The following RAB7A variants were observed in gnomAD, a reference collection of about 807,000 sequenced individuals.
RAB7A encodes the protein RAB7A, member RAS oncogene family.
A neutral mutation model predicts 24.5 loss-of-function variants in RAB7A; 2 were observed. The observed-to-expected ratio is 0.08, with a 90% CI of 0.03 to 0.26. The LOEUF (loss-of-function observed/expected upper bound fraction) is 0.26, where lower values mean the gene tolerates loss of function less well. Ranked by LOEUF, RAB7A falls within the 10% of genes least tolerant of loss-of-function variation. The pLI is 1.00. For synonymous variants in RAB7A, 100 were observed against 95.9 expected, an observed-to-expected ratio of 1.04 and a Z score of -0.25; for missense variants, 118 against 255.7, an observed-to-expected ratio of 0.46 and a Z score of 3.67.
intron 1 of RAB7A, among the ~76,000 whole-genome samples, chr3:128,726,748 C>G (rs1441701506): frequency 2.0e-5 from 3 of 152,132 alleles, no homozygotes; most frequent in Non-Finnish European, 2.9e-5. Flanking sequence ...CCGCCCGCCG[C>G]CGTGCCCACC....
chr3:128,785,823 T>A (rs1933326273), intron 1 of RAB7A, among the ~76,000 whole-genome samples: 1 of 152,162 alleles, frequency 6.6e-6, no homozygotes, highest in East Asian at 1.9e-4. Context: ...ATATTTTCAT[T>A]GTAATGAAAG....
At chr3:128,748,440 A>C (rs1414225997) in intron 1 of RAB7A, 1 of 152,280 alleles carries the variant, frequency 6.6e-6, no homozygotes, top group Non-Finnish European at 1.5e-5. Flanking sequence ...TTGAGTAGAC[A>C]GGGAAGGTGG....
At chr3:128,775,680 G>C (rs756922142) in intron 1 of RAB7A, among the ~76,000 whole-genome samples, 3 of 152,138 alleles carry the variant, frequency 2.0e-5, no homozygotes, top group Non-Finnish European at 4.4e-5. Flanking sequence ...GTTGGAAGTG[G>C]TCATAAGGAA....
chr3:128,757,629 C>A (rs1386573696), intron 1 of RAB7A, among the ~76,000 whole-genome samples: 1 of 151,208 alleles, frequency 6.6e-6, no homozygotes, highest in Non-Finnish European at 1.5e-5. Flanking sequence ...CAAGTGATTT[C>A]TCCTGCCTCA....
chr3:128,764,848 A>G, intron 1 of RAB7A: 2 of 1,122,778 alleles, frequency 1.8e-6, no homozygotes, highest in South Asian at 1.2e-5. Flanking sequence ...AGATTGGTGA[A>G]GAAAGTATGT....
At chr3:128,798,444 C>A in intron 3 of RAB7A, 1 of 241,578 alleles carries the variant, frequency 4.1e-6, no homozygotes, top group Non-Finnish European at 8.3e-6. Context: ...CTTTGTCTCA[C>A]CTCAGTAGTG....
chr3:128,780,236 A>G lies in RAB7A; in HGVS notation c.-8-15124A>G, dbSNP rs1933189644. On this transcript the variant is annotated intron_variant, in intron 1 of 5. Transcript: ENST00000265062. ...TGATGTTAGAAATCCTATCTCTAGGAACAGTGGGGATGCAAAAAGTCAGAC... is the reference window on the plus strand; with the variant it reads ...TGATGTTAGAAATCCTATCTCTAGGGACAGTGGGGATGCAAAAAGTCAGAC... 1.3e-5 allele frequency among the ~76,000 whole-genome samples: 2 copies of G among 152,368 alleles called. 1 individual carries two copies. The highest frequency in any genetic ancestry group is 4.1e-4 in the South Asian group (2 of 4,828).
chr3:128,802,158 T>TTGGAATCGTGAGTATG (rs1178169606), intron 3 of RAB7A, among the ~76,000 whole-genome samples: 1 of 152,266 alleles, frequency 6.6e-6, no homozygotes, highest in Non-Finnish European at 1.5e-5. Flanking sequence ...GTATCTATTT[T>TTGGAATCGTGAGTATG]TGGAATCGTG....
intron 5 of RAB7A, among the ~76,000 whole-genome samples, chr3:128,811,281 C>T (rs1230974777): frequency 1.3e-5 from 2 of 152,128 alleles, no homozygotes; most frequent in Non-Finnish European, 2.9e-5. Context: ...CACACCCATG[C>T]TATAATTGAT....
chr3:128,740,406 A>C (rs1158251330), intron 1 of RAB7A, among the ~76,000 whole-genome samples: 1 of 152,196 alleles, frequency 6.6e-6, no homozygotes, highest in Non-Finnish European at 1.5e-5. Flanking sequence ...TACTTATCTA[A>C]TCATTTCCTT....
At chr3:128,802,361 G>T (rs187153447) in intron 3 of RAB7A, among the ~76,000 whole-genome samples, 219 of 152,244 alleles carry the variant, frequency 1.4e-3, no homozygotes, top group Middle Eastern at 6.8e-3. Flanking sequence ...ACAGTTTATT[G>T]TGAGTTTGTG....
intron 1 of RAB7A, among the ~76,000 whole-genome samples, chr3:128,731,647 A>T (rs2070437859): frequency 1.3e-5 from 2 of 152,100 alleles, no homozygotes; most frequent in East Asian, 1.9e-4. Flanking sequence ...GCTCTTTCTG[A>T]TGTACCATCC....
At chr3:128,787,382 G>A (rs541418602) in intron 1 of RAB7A, among the ~76,000 whole-genome samples, 96 of 152,206 alleles carry the variant, frequency 6.3e-4, no homozygotes, top group Non-Finnish European at 1.2e-3. Flanking sequence ...TCACATCAGT[G>A]GTTTCCAAAC....
At chr3:128,757,457 A>C (rs1178349615) in intron 1 of RAB7A, among the ~76,000 whole-genome samples, 1 of 152,196 alleles carries the variant, frequency 6.6e-6, no homozygotes, top group South Asian at 2.1e-4. Flanking sequence ...CAGGCGAGGC[A>C]GAGGCACAAG....
At chr3:128,763,756 T>C (rs2107597398) in intron 1 of RAB7A, among the ~76,000 whole-genome samples, 1 of 152,214 alleles carries the variant, frequency 6.6e-6, no homozygotes, top group African/African-American at 2.4e-5. Flanking sequence ...ACCTATGGTA[T>C]CACTGGTGAT....
intron 1 of RAB7A, among the ~76,000 whole-genome samples, chr3:128,731,488 GC>G (rs534090304): frequency 0.012 from 1,806 of 152,236 alleles, 32 homozygotes; most frequent in African/African-American, 0.039. Flanking sequence ...GCCTTTAAAT[GC>G]TTTTTAATGT....
intron 1 of RAB7A, among the ~76,000 whole-genome samples, chr3:128,738,085 T>C (rs995690610): frequency 2.0e-5 from 3 of 151,958 alleles, no homozygotes; most frequent in African/African-American, 7.3e-5. Context: ...CAGGCTGGAG[T>C]ATAGTGGCCT....
intron 1 of RAB7A, among the ~76,000 whole-genome samples, chr3:128,743,947 C>G (rs1344493883): frequency 6.6e-6 from 1 of 151,990 alleles, no homozygotes; most frequent in Non-Finnish European, 1.5e-5. Flanking sequence ...CACCACCACA[C>G]CCAGCTAACT....
chr3:128,754,634 A>G (rs1200212615), intron 1 of RAB7A, among the ~76,000 whole-genome samples: 1 of 152,184 alleles, frequency 6.6e-6, no homozygotes, highest in Non-Finnish European at 1.5e-5. Flanking sequence ...ATGGATAGAA[A>G]AACATCCAGC....
Sources: gnomAD v4.1 joint callset for allele counts (sites outside exome capture counted in the v4.1 genomes callset) on GRCh38, gnomAD v4.1.1 for gene constraint, MANE v1.5 for transcripts, NCBI Gene and HGNC (gene_info 2026-07-23, HGNC 2026-07-21) for gene names.